The following USP39 variants were observed in gnomAD, a reference collection of about 807,000 sequenced individuals.
USP39 encodes ubiquitin specific peptidase 39.
In USP39, 38 loss-of-function variants were observed where a neutral mutation model predicts 66.4. That is an observed-to-expected ratio of 0.57 (90% CI 0.44 to 0.75). The LOEUF (loss-of-function observed/expected upper bound fraction) is 0.75. USP39 is among the 30% of genes least tolerant of loss of function. The pLI is 0.00. For synonymous variants in USP39, 303 were observed against 274.6 expected (o/e 1.10, Z -1.02); for missense variants, 608 against 714.4 (o/e 0.85, Z 1.70).
intron 5 of USP39, among the ~76,000 whole-genome samples, chr2:85,630,453 G>GTGTTTTGTTT: frequency 6.6e-6 from 1 of 152,314 alleles, no homozygotes; most frequent in African/African-American, 2.4e-5. Context: ...TTGAATACCT[G>GTGTTTTGTTT]TGTTTTGTTT....
chr2:85,629,807 C>T (rs536824726), intron 5 of USP39, among the ~76,000 whole-genome samples: 69 of 151,902 alleles, frequency 4.5e-4, no homozygotes, highest in African/African-American at 1.5e-3. Flanking sequence ...GACCATTTTC[C>T]GTCATAACAG....
chr2:85,648,032 G>T lies in USP39; in HGVS notation c.1650+16G>T. The T allele has an allele frequency of 1.2e-6, 2 of 1,613,770 alleles. No individual in the cohort carries two copies. The highest frequency in any genetic ancestry group is 1.7e-6 in the Non-Finnish European group (2 of 1,179,862). On this transcript the variant is annotated intron_variant, in intron 12 of 12. Coordinates refer to ENST00000323701, the MANE Select transcript of USP39 (RefSeq NM_006590.4). ...TTACATTCAGGTGGGTTGGCCACAG[G>T]CTTAGTGAGCCACAAATAGGTGGCG...
intron 8 of USP39, among the ~76,000 whole-genome samples, chr2:85,638,473 A>G (rs1229131649): frequency 6.6e-6 from 1 of 152,100 alleles, no homozygotes; most frequent in Non-Finnish European, 1.5e-5. Flanking sequence ...AACTGGGACC[A>G]TAGATACACA....
chr2:85,623,595 G>A (rs1364748188), intron 3 of USP39, 51 bp from the exon 4 acceptor site: 1 of 1,563,174 alleles, frequency 6.4e-7, no homozygotes, highest in East Asian at 2.4e-5. Context: ...AACCTGATCT[G>A]TGTGTTCTAG....
Position 85,616,513 on chromosome 2 carries a change from C to T in USP39, c.268+50C>T, listed in dbSNP as rs551206245. 203 of 1,357,304 alleles carry T rather than the reference C, an allele frequency of 1.5e-4. 1 individual carries two copies. The South Asian group carries it at 2.7e-3, about 18-fold the overall frequency. The allele number at this position is 1,357,304 out of a possible 1,614,324, so 84.1% of individuals were successfully genotyped here. A position where few individuals can be genotyped will look rare whatever the true frequency, so the allele number is the denominator to read the frequency against. On this transcript the variant is annotated intron_variant, in intron 1 of 12. Transcript: ENST00000323701. Reference sequence around the variant, plus strand: ...GCGCGAGAGCCTGTTTTTTTCGCGTCCTTTTTTCTTGTCTCTAATCTTCCG... The same window carrying T: ...GCGCGAGAGCCTGTTTTTTTCGCGTTCTTTTTTCTTGTCTCTAATCTTCCG...
At chr2:85,643,942 C>T (rs147592444) in intron 10 of USP39, among the ~76,000 whole-genome samples, 6 of 152,238 alleles carry the variant, frequency 3.9e-5, no homozygotes, top group South Asian at 2.1e-4. Context: ...CATGAGCCAC[C>T]GCACCTGGCT....
At chr2:85,611,523 A>G (rs917200236), upstream of USP39, 2 of 1,550,718 alleles carry the variant, frequency 1.3e-6, no homozygotes, top group African/African-American at 2.7e-5. Flanking sequence ...TTCAGCGGAG[A>G]TTTGGGAGCG....
intron 1 of USP39, among the ~76,000 whole-genome samples, 171 bp downstream of exon 1, chr2:85,616,634 T>A (rs1673988843): frequency 6.6e-6 from 1 of 151,564 alleles, no homozygotes; most frequent in African/African-American, 2.4e-5. Context: ...CTTGTTCTGA[T>A]GAAGACAGTA....
chr2:85,639,431 C>T (rs1313246554), intron 9 of USP39, 40 bp downstream of exon 9: 9 of 1,512,140 alleles, frequency 6.0e-6, no homozygotes, highest in African/African-American at 1.4e-5. Context: ...TACTTACCCT[C>T]GCTCTCTCGA....
chr2:85,646,461 G>T (rs1172028729), intron 11 of USP39, among the ~76,000 whole-genome samples: 1 of 152,186 alleles, frequency 6.6e-6, no homozygotes, highest in Non-Finnish European at 1.5e-5. Context: ...CAGAGGAGGA[G>T]ACCTAGGCTC....
chr2:85,611,551 GAA>G, upstream of USP39: 1 of 1,551,072 alleles, frequency 6.4e-7, no homozygotes, highest in Non-Finnish European at 8.7e-7. Context: ...GGAGGTTCCG[GAA>G]AGAGACGAGA....
intron 5 of USP39, among the ~76,000 whole-genome samples, chr2:85,628,646 C>G (rs2104286647): frequency 6.6e-6 from 1 of 152,286 alleles, no homozygotes; most frequent in East Asian, 1.9e-4. Context: ...TAATTCTTCT[C>G]TGAGGATGAC....
At chr2:85,611,871 G>C, upstream of USP39, 1 of 1,597,756 alleles carries the variant, frequency 6.3e-7, no homozygotes, top group South Asian at 1.1e-5. Context: ...GCAGGGCGGG[G>C]CGGTACCGAG....
At position 85,639,367 on chromosome 2, in the gene USP39, T is replaced by G. The variant is rs1330406816; in HGVS notation, c.1260T>G (p.Ala420=). The change falls in exon 9 of 13, where the codon GCT becomes GCG. Residue 420 remains alanine, a synonymous_variant. Coordinates refer to ENST00000323701, the MANE Select transcript of USP39 (RefSeq NM_006590.4). ...AAGTGCCACTCTTCAACATCCTGGC[T>G]AAGTTCAATGGCATCACTGAGAAGG... ...IPQVPLFNIL[A]KFNGITEKEY... 6.2e-7 allele frequency: 1 copy of G among 1,613,878 alleles called. No homozygotes were observed. The highest frequency in any genetic ancestry group is 1.7e-5 in the Admixed American group (1 of 59,962).
chr2:85,608,701 C>CAAAA (rs5832651), upstream of USP39: 19 of 55,448 alleles, frequency 3.4e-4, no homozygotes, highest in Admixed American at 3.8e-3. Flanking sequence ...ACAAAATCCT[C>CAAAA]AAAAAAAAAA....
At position 85,636,926 on chromosome 2, in the gene USP39, G is replaced by C. The variant is rs148132352; in HGVS notation, c.1028-443G>C. On this transcript the variant is annotated intron_variant, in intron 7 of 12. Transcript: ENST00000323701. ...AGAACTTGGTTGTGCTTTCTCTCTTGTTGCTTTGATCCTGTTCTGGCCCAT... is the reference window on the plus strand; with the variant it reads ...AGAACTTGGTTGTGCTTTCTCTCTTCTTGCTTTGATCCTGTTCTGGCCCAT... Among the ~76,000 whole-genome samples, 603 of 152,256 alleles carry C rather than the reference G, an allele frequency of 4.0e-3. 3 individuals carry two copies. The highest frequency in any genetic ancestry group is 7.5e-3 in the Non-Finnish European group (512 of 68,018).
chr2:85,610,074 G>A (rs149000974), upstream of USP39: 1,213 of 149,792 alleles, frequency 8.1e-3, 15 homozygotes, highest in African/African-American at 0.029. Flanking sequence ...GAGTGCAGTG[G>A]CTAAATCTCG....
chr2:85,647,212 C>G (rs1231514605), intron 11 of USP39, among the ~76,000 whole-genome samples: 1 of 152,164 alleles, frequency 6.6e-6, no homozygotes, highest in Non-Finnish European at 1.5e-5. Flanking sequence ...TTTAGGTTCT[C>G]TCAGTGGTTG....
upstream of USP39, chr2:85,611,661 G>A (rs1463448971): frequency 6.4e-7 from 1 of 1,557,542 alleles, no homozygotes; most frequent in South Asian, 1.2e-5. Context: ...GGGGCGGGCG[G>A]CCTCACCTCG....
Sources: gnomAD v4.1 joint callset for allele counts (sites outside exome capture counted in the v4.1 genomes callset) on GRCh38, gnomAD v4.1.1 for gene constraint, MANE v1.5 for transcripts, NCBI Gene and HGNC (gene_info 2026-07-23, HGNC 2026-07-21) for gene names.